GRIK1: variants seen among roughly 807,000 people sequenced by gnomAD.
The protein encoded by GRIK1 is glutamate ionotropic receptor kainate type subunit 1.
Under a neutral mutation model 105.7 loss-of-function variants are expected in GRIK1, and 69 were observed. That is an observed-to-expected ratio of 0.65 (90% confidence interval 0.54 to 0.80). The LOEUF is 0.80. GRIK1 is among the 30% of genes least tolerant of loss of function. The pLI is 0.00. For synonymous variants in GRIK1, 438 were observed against 431.3 expected (o/e 1.02, Z -0.19); for missense variants, 1,109 against 1,167.3 (o/e 0.95, Z 0.73).
intron 1 of GRIK1, among the ~76,000 whole-genome samples, chr21:29,922,557 GA>G (rs1025181561): frequency 2.6e-5 from 4 of 151,998 alleles, no homozygotes; most frequent in East Asian, 1.9e-4. Context: ...AGCAATCTTA[GA>G]AAAAAATTAT....
At chr21:29,718,463 A>T (rs1041139937) in intron 1 of GRIK1, among the ~76,000 whole-genome samples, 8 of 152,206 alleles carry the variant, frequency 5.3e-5, no homozygotes, top group African/African-American at 1.9e-4. Flanking sequence ...AAAATACATC[A>T]TGAGAATGTA....
chr21:29,812,464 C>T (rs1418761999), intron 1 of GRIK1, among the ~76,000 whole-genome samples: 1 of 152,066 alleles, frequency 6.6e-6, no homozygotes, highest in Non-Finnish European at 1.5e-5. Context: ...AAAACCTTGA[C>T]CTCAAACTGT....
chr21:29,939,524 C>G lies in GRIK1; in HGVS notation c.-24G>C, dbSNP rs755889500. 6.2e-6 allele frequency: 9 copies of G among 1,449,646 alleles called. No homozygotes were observed. In the East Asian group the frequency reaches 1.8e-4, roughly 29 times the overall value. The allele number at this position is 1,449,646 out of a possible 1,614,324, so 89.8% of individuals were successfully genotyped here. A position where few individuals can be genotyped will look rare whatever the true frequency, so the allele number is the denominator to read the frequency against. On this transcript the variant is annotated 5_prime_UTR_variant, in exon 1 of 18. Coordinates refer to ENST00000327783, the MANE Select transcript of GRIK1 (RefSeq NM_001330994.2). ...ATCTTCCTAGCTTCTTAATTCATGC[C>G]GAGATACAGCCGCTGCCGGACGCCC...
At chr21:29,543,531 C>CAA in intron 16 of GRIK1, among the ~76,000 whole-genome samples, 1 of 152,148 alleles carries the variant, frequency 6.6e-6, no homozygotes, top group Non-Finnish European at 1.5e-5. Flanking sequence ...GCAGCATTTC[C>CAA]TGTGGTTTGA....
At chr21:29,784,309 A>G (rs2066202616) in intron 1 of GRIK1, among the ~76,000 whole-genome samples, 1 of 152,180 alleles carries the variant, frequency 6.6e-6, no homozygotes, top group African/African-American at 2.4e-5. Context: ...CATGTGAAGA[A>G]TATTTCCTAG....
At chr21:29,902,152 T>C (rs1040030818) in intron 1 of GRIK1, among the ~76,000 whole-genome samples, 5 of 152,224 alleles carry the variant, frequency 3.3e-5, no homozygotes, top group African/African-American at 1.2e-4. Flanking sequence ...TATCTCAAAA[T>C]ACTGAGAGCT....
At chr21:29,714,096 T>G (rs917797648) in intron 1 of GRIK1, among the ~76,000 whole-genome samples, 2 of 152,238 alleles carry the variant, frequency 1.3e-5, no homozygotes, top group African/African-American at 4.8e-5. Flanking sequence ...TAACATGATC[T>G]AATCTGTATT....
chr21:29,818,176 T>G (rs996150234), intron 1 of GRIK1, among the ~76,000 whole-genome samples: 1 of 152,056 alleles, frequency 6.6e-6, no homozygotes, highest in African/African-American at 2.4e-5. Context: ...TTCCATATAT[T>G]TCAACCATGT....
rs549352338 is a variant in GRIK1 at position 29,858,869 on chromosome 21, T to C, written c.118+80514A>G. ...CAAACACACAACTTCTTTGCACACC[T>C]CCCCACAGGATCAAAGGATCCTAGC... On this transcript the variant is annotated intron_variant, in intron 1 of 17. Transcript: ENST00000327783. Among the ~76,000 whole-genome samples the C allele has an allele frequency of 8.1e-4, 123 of 151,478 alleles. 1 individual carries two copies. The highest frequency in any genetic ancestry group is 3.0e-3 in the African/African-American group (122 of 41,302).
intron 1 of GRIK1, among the ~76,000 whole-genome samples, chr21:29,793,022 C>A (rs186788213): frequency 9.4e-4 from 143 of 152,174 alleles, no homozygotes; most frequent in Non-Finnish European, 4.4e-4. Flanking sequence ...AATTAATGCA[C>A]CTTCATTGCA....
chr21:29,868,704 C>A (rs1001561154), intron 1 of GRIK1, among the ~76,000 whole-genome samples: 1 of 152,090 alleles, frequency 6.6e-6, no homozygotes, highest in Non-Finnish European at 1.5e-5. Context: ...TCACTTTGTT[C>A]TATTTTTTAA....
At chr21:29,796,492 T>C (rs915161466) in intron 1 of GRIK1, among the ~76,000 whole-genome samples, 5 of 152,142 alleles carry the variant, frequency 3.3e-5, no homozygotes, top group Non-Finnish European at 5.9e-5. Context: ...TTATACATTA[T>C]ATATTCTATT....
intron 1 of GRIK1, among the ~76,000 whole-genome samples, chr21:29,713,607 T>C (rs1023316263): frequency 6.6e-6 from 1 of 152,210 alleles, no homozygotes; most frequent in Non-Finnish European, 1.5e-5. Flanking sequence ...AAACTCTAAT[T>C]GTGGAATTTT....
At chr21:29,668,577 C>G (rs1167799813) in intron 4 of GRIK1, among the ~76,000 whole-genome samples, 2 of 152,076 alleles carry the variant, frequency 1.3e-5, no homozygotes, top group African/African-American at 4.8e-5. Flanking sequence ...TAAGTGTATG[C>G]TCAGTATATG....
At chr21:29,919,176 C>T (rs1043996845) in intron 1 of GRIK1, among the ~76,000 whole-genome samples, 5 of 152,088 alleles carry the variant, frequency 3.3e-5, no homozygotes, top group Admixed American at 2.0e-4. Flanking sequence ...AGCTCAAAGC[C>T]ACAAGCTGTT....
chr21:29,572,864 T>C (rs111817065), intron 14 of GRIK1, among the ~76,000 whole-genome samples: 141 of 152,142 alleles, frequency 9.3e-4, no homozygotes, highest in African/African-American at 3.0e-3. Context: ...TCAGCCTCCC[T>C]GGTTCAAGCA....
At chr21:29,768,098 A>C (rs1471167212) in intron 1 of GRIK1, among the ~76,000 whole-genome samples, 1 of 152,180 alleles carries the variant, frequency 6.6e-6, no homozygotes, top group Non-Finnish European at 1.5e-5. Context: ...AAGGTGCTTG[A>C]AGGTGTTTAT....
chr21:29,553,324 T>C, intron 16 of GRIK1: 1 of 1,133,356 alleles, frequency 8.8e-7, no homozygotes, highest in Non-Finnish European at 1.1e-6. Context: ...AGAAGATTCC[T>C]GTAAATACAC....
chr21:29,899,826 C>T (rs1478773576), intron 1 of GRIK1, among the ~76,000 whole-genome samples: 4 of 151,962 alleles, frequency 2.6e-5, no homozygotes, highest in African/African-American at 4.8e-5. Flanking sequence ...GGACAGAAAT[C>T]GTCAGGTCAT....
Sources: gnomAD v4.1 joint callset for allele counts (sites outside exome capture counted in the v4.1 genomes callset) on GRCh38, gnomAD v4.1.1 for gene constraint, MANE v1.5 for transcripts, NCBI Gene and HGNC (gene_info 2026-07-23, HGNC 2026-07-21) for gene names.